PHTF2: variants seen among roughly 807,000 people sequenced by gnomAD.
The protein encoded by PHTF2 is protein PHTF2.
PHTF2 carries 60 observed loss-of-function variants against 101.2 expected under a neutral mutation model. The observed-to-expected ratio is 0.59, with a 90% CI of 0.48 to 0.73. The LOEUF (loss-of-function observed/expected upper bound fraction) is 0.73, where lower values mean the gene tolerates loss of function less well. PHTF2 is among the 30% of genes least tolerant of loss of function. The probability of loss-of-function intolerance (pLI) is 0.00; values close to 1 mark genes in which losing one functional copy is unlikely to be tolerated. For synonymous variants in PHTF2, 311 were observed against 307.3 expected (o/e 1.01, Z -0.13); for missense variants, 747 against 908.7 (o/e 0.82, Z 2.29).
chr7:77,861,208 G>A (rs1009366793), intron 3 of PHTF2, among the ~76,000 whole-genome samples: 10 of 151,640 alleles, frequency 6.6e-5, no homozygotes, highest in African/African-American at 2.4e-4. Flanking sequence ...TCCTTAGGGT[G>A]TGTCATTCTT....
At chr7:77,943,597 G>T (rs564314154) in intron 16 of PHTF2, among the ~76,000 whole-genome samples, 1 of 152,050 alleles carries the variant, frequency 6.6e-6, no homozygotes, top group Non-Finnish European at 1.5e-5. Flanking sequence ...TTGTGTCATG[G>T]GCCGTGTAAT....
chr7:77,832,694 T>C (rs1448440664), intron 1 of PHTF2, among the ~76,000 whole-genome samples: 1 of 151,892 alleles, frequency 6.6e-6, no homozygotes, highest in Non-Finnish European at 1.5e-5. Context: ...ACAATACACT[T>C]TGGGTGTCAC....
At chr7:77,946,628 T>C (rs1263250963) in intron 16 of PHTF2, among the ~76,000 whole-genome samples, 1 of 152,172 alleles carries the variant, frequency 6.6e-6, no homozygotes, top group Non-Finnish European at 1.5e-5. Flanking sequence ...GCAAACTTCC[T>C]CTGTAAAGGG....
chr7:77,836,265 C>T (rs1443811935), intron 1 of PHTF2, among the ~76,000 whole-genome samples: 1 of 152,042 alleles, frequency 6.6e-6, no homozygotes, highest in Non-Finnish European at 1.5e-5. Context: ...GTTTTCCCTT[C>T]CTGGATAGCA....
At chr7:77,920,130 A>G (rs1803305948) in intron 9 of PHTF2, 149 bp from the exon 9 acceptor site, 1 of 559,026 alleles carries the variant, frequency 1.8e-6, no homozygotes. Flanking sequence ...GCTGTTAGAT[A>G]TATTTCTAAA....
intron 3 of PHTF2, among the ~76,000 whole-genome samples, chr7:77,855,155 AG>A (rs567675241): frequency 8.5e-4 from 130 of 152,342 alleles, no homozygotes; most frequent in African/African-American, 3.0e-3. Flanking sequence ...TGTGTATTCA[AG>A]ACCCAAGGGG....
Position 77,932,617 on chromosome 7 carries a change from A to AGTGT in PHTF2, c.1338+3291_1338+3292insTGTG, listed in dbSNP as rs1263484171. On this transcript the variant is annotated intron_variant, in intron 12 of 19. Coordinates refer to ENST00000416283, the Ensembl canonical transcript of PHTF2. Reference sequence around the variant, plus strand: ...GAGAGAGAGAAAGAGAGAGAGAGAGAGAGAGTGTGTGTGTGTGTGTGTGTG... The same window carrying AGTGT: ...GAGAGAGAGAAAGAGAGAGAGAGAGAGTGTGAGAGTGTGTGTGTGTGTGTGTGTG... Among the ~76,000 whole-genome samples the AGTGT allele has an allele frequency of 1.6e-3, 198 of 124,940 alleles. 2 individuals are homozygous for AGTGT. Among genetic ancestry groups the AGTGT allele is most frequent in the Non-Finnish European group, 1.3e-3 (74 of 57,960 alleles). The allele number at this position is 124,940 out of a possible 152,430, so 82.0% of individuals were successfully genotyped here. A position where few individuals can be genotyped will look rare whatever the true frequency, so the allele number is the denominator to read the frequency against.
intron 1 of PHTF2, among the ~76,000 whole-genome samples, chr7:77,811,282 T>C (rs1258145089): frequency 2.6e-5 from 4 of 152,236 alleles, no homozygotes; most frequent in African/African-American, 7.2e-5. Context: ...AGGCAAATAC[T>C]GTTATTTCTC....
At chr7:77,805,031 T>C (rs1403172245) in intron 1 of PHTF2, among the ~76,000 whole-genome samples, 1 of 152,226 alleles carries the variant, frequency 6.6e-6, no homozygotes, top group Non-Finnish European at 1.5e-5. Context: ...GACTTGCACA[T>C]GTAGGCTTGG....
At position 77,923,411 on chromosome 7, in the gene PHTF2, C is replaced by T. The variant is rs1023010196; in HGVS notation, c.1119+633C>T. 8.1e-6 allele frequency: 8 copies of T among 981,690 alleles called. No individual in the cohort carries two copies. In the African/African-American group the frequency reaches 1.4e-4, roughly 17 times the overall value. The allele number at this position is 981,690 out of a possible 1,614,324, so 60.8% of individuals were successfully genotyped here. A position where few individuals can be genotyped will look rare whatever the true frequency, so the allele number is the denominator to read the frequency against. On this transcript the variant is annotated intron_variant, in intron 11 of 19. Coordinates refer to ENST00000416283, the Ensembl canonical transcript of PHTF2. ...AACATTACCTTCTACTCTTTTTGAG[C>T]TATGTTAGTAATTTTTTCCTTGATG...
At chr7:77,810,772 A>G (rs891485943) in intron 1 of PHTF2, among the ~76,000 whole-genome samples, 1 of 152,082 alleles carries the variant, frequency 6.6e-6, no homozygotes, top group Non-Finnish European at 1.5e-5. Context: ...TCCTGACCTC[A>G]GGTGATCCAC....
intron 12 of PHTF2, among the ~76,000 whole-genome samples, chr7:77,931,188 A>G (rs561320725): frequency 1.2e-4 from 19 of 152,334 alleles, no homozygotes; most frequent in African/African-American, 4.6e-4. Context: ...TACAGGAGAA[A>G]AATCTTTATT....
At chr7:77,951,462 T>C (rs1486811035) in intron 17 of PHTF2, among the ~76,000 whole-genome samples, 155 bp from the exon 17 acceptor site, 1 of 152,126 alleles carries the variant, frequency 6.6e-6, no homozygotes, top group African/African-American at 2.4e-5. Flanking sequence ...ATTTTCCTAT[T>C]ATAAAATAAG....
At chr7:77,884,708 C>G (rs906839091) in intron 3 of PHTF2, among the ~76,000 whole-genome samples, 5 of 152,062 alleles carry the variant, frequency 3.3e-5, no homozygotes, top group Non-Finnish European at 7.4e-5. Flanking sequence ...ACCAGCCTGA[C>G]CAATATGGTC....
Position 77,949,945 on chromosome 7 carries a change from T to C in PHTF2, c.2115+112T>C, listed in dbSNP as rs1806394942. On this transcript the variant is annotated intron_variant, in intron 17 of 19. Coordinates refer to ENST00000416283, the Ensembl canonical transcript of PHTF2. ...TATTTGATTAAGGTCATTTGTGCTA[T>C]AAAGCAAAATGTAAAATTTAATAGG... 1.8e-5 allele frequency: 10 copies of C among 567,184 alleles called. 1 individual carries two copies. Among genetic ancestry groups the C allele is most frequent in the Non-Finnish European group, 2.0e-5 (7 of 343,292 alleles). The allele number at this position is 567,184 out of a possible 1,614,324, so 35.1% of individuals were successfully genotyped here. A position where few individuals can be genotyped will look rare whatever the true frequency, so the allele number is the denominator to read the frequency against.
chr7:77,839,139 C>T (rs1795686116), intron 1 of PHTF2, among the ~76,000 whole-genome samples: 1 of 152,156 alleles, frequency 6.6e-6, no homozygotes, highest in African/African-American at 2.4e-5. Flanking sequence ...CTAGGATTGG[C>T]TCAGCAGGGT....
At chr7:77,908,098 C>T (rs1802035721) in intron 7 of PHTF2, 1 of 152,150 alleles carries the variant, frequency 6.6e-6, no homozygotes, top group Non-Finnish European at 1.5e-5. Flanking sequence ...GCTTAGGTCA[C>T]TTGCCCATCT....
chr7:77,833,742 C>T (rs1016688252), intron 1 of PHTF2, among the ~76,000 whole-genome samples: 5 of 152,166 alleles, frequency 3.3e-5, no homozygotes, highest in African/African-American at 4.8e-5. Context: ...AGGACAGTCA[C>T]CTGAGCCCAG....
intron 16 of PHTF2, among the ~76,000 whole-genome samples, chr7:77,943,628 G>C (rs1035318666): frequency 1.3e-5 from 2 of 152,002 alleles, no homozygotes; most frequent in Non-Finnish European, 2.9e-5. Context: ...AAGTTTAAAC[G>C]TATTAAAATT....
Sources: gnomAD v4.1 joint callset for allele counts (sites outside exome capture counted in the v4.1 genomes callset) on GRCh38, gnomAD v4.1.1 for gene constraint, MANE v1.5 for transcripts, NCBI Gene and HGNC (gene_info 2026-07-23, HGNC 2026-07-21) for gene names.